Variants in LOC128125817 observed in about 807,000 individuals in gnomAD.
chr1:41,598,806 G>GTTATTTATTTATTTATTTAT, the LOC128125817 span, among the ~76,000 whole-genome samples: 7 of 147,124 alleles, frequency 4.8e-5, no homozygotes, highest in South Asian at 6.6e-4. Flanking sequence ...GTCACATGAT[G>GTTATTTATTTATTTATTTAT]TTATTTATTT....
chr1:41,614,950 G>A, the LOC128125817 span, among the ~76,000 whole-genome samples: 2 of 152,040 alleles, frequency 1.3e-5, no homozygotes, highest in African/African-American at 2.4e-5. Flanking sequence ...CAATACTTCC[G>A]GGGCTCTGAC....
the LOC128125817 span, among the ~76,000 whole-genome samples, chr1:41,593,118 A>G: frequency 6.6e-6 from 1 of 152,214 alleles, no homozygotes; most frequent in Non-Finnish European, 1.5e-5. Context: ...ATGCTGGGGA[A>G]CTTTCTCCTT....
chr1:41,619,084 G>A, the LOC128125817 span, among the ~76,000 whole-genome samples: 1 of 151,886 alleles, frequency 6.6e-6, no homozygotes, highest in African/African-American at 2.4e-5. Context: ...GGCCTCCCAG[G>A]GCTTCTGGAT....
chr1:41,611,347 G>A, the LOC128125817 span, among the ~76,000 whole-genome samples: 4 of 152,144 alleles, frequency 2.6e-5, no homozygotes, highest in African/African-American at 4.8e-5. Context: ...ATTCCATCTC[G>A]TAACAAAGAC....
the LOC128125817 span, among the ~76,000 whole-genome samples, chr1:41,599,448 C>T: frequency 2.6e-5 from 4 of 152,208 alleles, no homozygotes; most frequent in African/African-American, 7.2e-5. Context: ...TTCTGTTCAA[C>T]AAAGACTCTA....
At chr1:41,593,842 G>A in the LOC128125817 span, among the ~76,000 whole-genome samples, 1 of 152,242 alleles carries the variant, frequency 6.6e-6, no homozygotes, top group South Asian at 2.1e-4. Context: ...AAAGCAAGGT[G>A]TCAGCAGGGC....
chr1:41,595,896 A>G, the LOC128125817 span, among the ~76,000 whole-genome samples: 6 of 152,278 alleles, frequency 3.9e-5, no homozygotes, highest in Admixed American at 3.9e-4. Context: ...CAGACGGCCT[A>G]TTGTGGGACC....
chr1:41,599,252 C>T, the LOC128125817 span, among the ~76,000 whole-genome samples: 8 of 151,936 alleles, frequency 5.3e-5, no homozygotes, highest in African/African-American at 1.2e-4. Context: ...ACACAGAAAA[C>T]GAATGTGAAA....
chr1:41,628,790 C>T, the LOC128125817 span: 8 of 1,232,196 alleles, frequency 6.5e-6, no homozygotes, highest in Non-Finnish European at 5.1e-6. Flanking sequence ...AACTGAAACG[C>T]TGTTCTCTCT....
the LOC128125817 span, among the ~76,000 whole-genome samples, chr1:41,592,854 C>T: frequency 6.6e-6 from 1 of 152,224 alleles, no homozygotes; most frequent in Admixed American, 6.5e-5. Context: ...GAAAACTACC[C>T]CTGCCCAGGG....
At chr1:41,591,272 G>A in the LOC128125817 span, among the ~76,000 whole-genome samples, 1 of 152,026 alleles carries the variant, frequency 6.6e-6, no homozygotes, top group African/African-American at 2.4e-5. Flanking sequence ...GGTTGAATTC[G>A]GAGGTCAAAG....
the LOC128125817 span, among the ~76,000 whole-genome samples, chr1:41,610,051 C>G: frequency 2.6e-5 from 4 of 152,332 alleles, no homozygotes; most frequent in Admixed American, 2.6e-4. Context: ...TGCAGACTAC[C>G]TTTAGCCTTG....
the LOC128125817 span, among the ~76,000 whole-genome samples, chr1:41,611,544 G>A: frequency 6.6e-5 from 10 of 152,210 alleles, no homozygotes; most frequent in East Asian, 1.9e-4. Flanking sequence ...TCCATCATGC[G>A]CCCAGGGGCA....
At chr1:41,621,754 G>T in the LOC128125817 span, among the ~76,000 whole-genome samples, 1 of 152,178 alleles carries the variant, frequency 6.6e-6, no homozygotes, top group East Asian at 1.9e-4. Context: ...TCCGGCTCAG[G>T]TGATCCTCCT....
the LOC128125817 span, among the ~76,000 whole-genome samples, chr1:41,627,744 C>G: frequency 2.6e-5 from 4 of 152,172 alleles, no homozygotes; most frequent in Non-Finnish European, 5.9e-5. Flanking sequence ...CAGACCCAAA[C>G]ACAGGCCCCC....
At chr1:41,617,527 T>A in the LOC128125817 span, among the ~76,000 whole-genome samples, 49 of 152,374 alleles carry the variant, frequency 3.2e-4, no homozygotes, top group Non-Finnish European at 5.9e-4. Context: ...AAGGGCTGCA[T>A]GCTCCTGAGG....
the LOC128125817 span, among the ~76,000 whole-genome samples, chr1:41,589,998 C>T: frequency 6.6e-6 from 1 of 152,224 alleles, no homozygotes; most frequent in Non-Finnish European, 1.5e-5. Context: ...TATTTAATGA[C>T]CTAGCAACAA....
the LOC128125817 span, among the ~76,000 whole-genome samples, chr1:41,614,860 A>C: frequency 6.6e-6 from 1 of 152,192 alleles, no homozygotes; most frequent in East Asian, 1.9e-4. Flanking sequence ...GAAAAAACAA[A>C]GCTCTTCTTG....
the LOC128125817 span, among the ~76,000 whole-genome samples, chr1:41,621,600 C>T: frequency 2.0e-5 from 3 of 152,238 alleles, no homozygotes; most frequent in East Asian, 1.9e-4. Flanking sequence ...CTGCAGCCTC[C>T]GTCTCCTGGG....
Sources: allele counts gnomAD v4.1 joint callset (sites outside exome capture counted in the v4.1 genomes callset), GRCh38; gene constraint gnomAD v4.1.1; transcripts MANE v1.5.